The following MSH3 variants were observed in gnomAD, a reference collection of about 807,000 sequenced individuals.
The protein encoded by MSH3 is DNA mismatch repair protein Msh3.
A neutral mutation model predicts 123.3 loss-of-function variants in MSH3; 106 were observed. The ratio of observed to expected loss-of-function variants is 0.86; its 90% confidence interval spans 0.73 to 1.01. The LOEUF (loss-of-function observed/expected upper bound fraction) is 1.01. MSH3 is among the 50% of genes least tolerant of loss of function. The pLI is 0.00. For synonymous variants in MSH3, 515 were observed against 481.4 expected (o/e 1.07, Z -0.91); for missense variants, 1,459 against 1,347.6 (o/e 1.08, Z -1.29).
chr5:80,687,798 A>G (rs1750126137), intron 8 of MSH3, among the ~76,000 whole-genome samples: 1 of 148,412 alleles, frequency 6.7e-6, no homozygotes, highest in Admixed American at 7.0e-5. Context: ...GAATGGCATG[A>G]TAGAAGGGAA....
At chr5:80,700,930 T>G (rs979250392) in intron 8 of MSH3, among the ~76,000 whole-genome samples, 1 of 152,210 alleles carries the variant, frequency 6.6e-6, no homozygotes. Flanking sequence ...AGCAATTGTG[T>G]GAGGTGTGCT....
At position 80,757,932 on chromosome 5, in the gene MSH3, G is replaced by A. The variant is rs142897207; in HGVS notation, c.1764-3614G>A. Among the ~76,000 whole-genome samples, 292 of 152,076 alleles carry A rather than the reference G, an allele frequency of 1.9e-3. 1 individual carries two copies. Among genetic ancestry groups the A allele is most frequent in the South Asian group, 5.6e-3 (27 of 4,820 alleles). On this transcript the variant is annotated intron_variant, in intron 12 of 23. Coordinates refer to ENST00000265081, the MANE Select transcript of MSH3 (RefSeq NM_002439.5). ...CTTGCTTATTTCCATTCTGATCTTCGTACAGGAGTTGAAGATGGAATTATA... is the reference window on the plus strand; with the variant it reads ...CTTGCTTATTTCCATTCTGATCTTCATACAGGAGTTGAAGATGGAATTATA...
chr5:80,799,837 A>G (rs1183166900), intron 19 of MSH3, among the ~76,000 whole-genome samples: 1 of 152,194 alleles, frequency 6.6e-6, no homozygotes, highest in African/African-American at 2.4e-5. Flanking sequence ...CACCTGTATA[A>G]TGGGAATCCA....
In MSH3 at chr5:80,715,910, C is replaced by T. The variant is rs186213535; in HGVS notation, c.1341-9543C>T. ...ATTTGATACGAGATTTGGGCAGGGA[C>T]ACAAATTCCAACCATATCATATATG... On this transcript the variant is annotated intron_variant, in intron 8 of 23. Coordinates refer to ENST00000265081, the MANE Select transcript of MSH3 (RefSeq NM_002439.5). Among the ~76,000 whole-genome samples, 8 of 152,202 alleles carry T rather than the reference C, an allele frequency of 5.3e-5. No homozygotes were observed. In the East Asian group the frequency reaches 1.4e-3, roughly 26 times the overall value.
At chr5:80,773,227 T>C (rs922127025) in intron 15 of MSH3, among the ~76,000 whole-genome samples, 1 of 152,230 alleles carries the variant, frequency 6.6e-6, no homozygotes, top group African/African-American at 2.4e-5. Context: ...CATAGCTCTT[T>C]CCAGAATTAT....
At chr5:80,778,602 C>G in intron 16 of MSH3, 118 bp from the exon 17 acceptor site, 2 of 738,482 alleles carry the variant, frequency 2.7e-6, no homozygotes, top group Non-Finnish European at 5.0e-6. Context: ...CTTCTGTTTA[C>G]AGCTGTTTAC....
At chr5:80,775,655 T>C in intron 15 of MSH3, 39 bp from the exon 16 acceptor site, 1 of 1,145,120 alleles carries the variant, frequency 8.7e-7, no homozygotes, top group Admixed American at 1.7e-5. Context: ...TATATAATGG[T>C]TACTTATCTA....
At chr5:80,764,768 A>G (rs893712628) in intron 13 of MSH3, among the ~76,000 whole-genome samples, 5 of 152,170 alleles carry the variant, frequency 3.3e-5, no homozygotes, top group Admixed American at 1.3e-4. Flanking sequence ...TTTTGTAAGA[A>G]ATTCTTAAGT....
chr5:80,798,689 T>C (rs1744740187), intron 19 of MSH3, among the ~76,000 whole-genome samples: 1 of 152,214 alleles, frequency 6.6e-6, no homozygotes, highest in African/African-American at 2.4e-5. Context: ...AATATTGTTT[T>C]CTTGTCAGTC....
intron 8 of MSH3, among the ~76,000 whole-genome samples, chr5:80,694,430 T>C (rs1490156223): frequency 6.6e-6 from 1 of 152,146 alleles, no homozygotes; most frequent in Non-Finnish European, 1.5e-5. Context: ...CTATGCTTCT[T>C]TATCCTCCCC....
intron 20 of MSH3, among the ~76,000 whole-genome samples, chr5:80,846,271 G>C (rs950814550): frequency 2.0e-5 from 3 of 152,044 alleles, no homozygotes; most frequent in Non-Finnish European, 4.4e-5. Context: ...TCCTTCATCT[G>C]GAAGTTTCAT....
intron 8 of MSH3, among the ~76,000 whole-genome samples, chr5:80,689,314 C>T (rs1308620425): frequency 1.3e-5 from 2 of 152,062 alleles, no homozygotes; most frequent in Non-Finnish European, 2.9e-5. Context: ...CAAATTTGGC[C>T]TACCAACCTT....
intron 19 of MSH3, among the ~76,000 whole-genome samples, chr5:80,793,409 CTTG>C (rs1744643034): frequency 6.6e-6 from 1 of 152,202 alleles, no homozygotes; most frequent in African/African-American, 2.4e-5. Context: ...CCTCACAGAG[CTTG>C]TTGTATAGCA....
chr5:80,844,775 A>T (rs1445829183), intron 20 of MSH3, among the ~76,000 whole-genome samples: 2 of 149,714 alleles, frequency 1.3e-5, no homozygotes, highest in African/African-American at 2.5e-5. Flanking sequence ...CCTTCCCTTT[A>T]TTTTGAGCCT....
At chr5:80,871,317 C>T (rs936828856) in intron 22 of MSH3, among the ~76,000 whole-genome samples, 40 of 152,074 alleles carry the variant, frequency 2.6e-4, no homozygotes, top group African/African-American at 8.7e-4. Context: ...AACAGATTAC[C>T]CCCCAAAACA....
chr5:80,864,479 AG>A (rs1353370507), intron 21 of MSH3, among the ~76,000 whole-genome samples: 3 of 152,228 alleles, frequency 2.0e-5, no homozygotes, highest in Non-Finnish European at 4.4e-5. Flanking sequence ...ATATTTATTG[AG>A]TGTAATAATT....
At chr5:80,801,358 G>T (rs1482591353) in intron 19 of MSH3, among the ~76,000 whole-genome samples, 1 of 152,126 alleles carries the variant, frequency 6.6e-6, no homozygotes, top group Non-Finnish European at 1.5e-5. Flanking sequence ...AGGACCTCCT[G>T]ATTCTTCAGT....
At chr5:80,787,697 T>G (rs1317102579) in intron 18 of MSH3, 25 bp downstream of exon 18, 4 of 1,410,552 alleles carry the variant, frequency 2.8e-6, no homozygotes, top group Non-Finnish European at 4.0e-6. Flanking sequence ...ATTTTCCTCT[T>G]TATCAGTGCT....
chr5:80,746,401 T>C (rs1743721475), intron 12 of MSH3: 1 of 428,552 alleles, frequency 2.3e-6, no homozygotes, highest in Admixed American at 2.7e-5. Flanking sequence ...AGTAAAGTCA[T>C]TTTTGATATT....
Sources: gnomAD v4.1 joint callset for allele counts (sites outside exome capture counted in the v4.1 genomes callset) on GRCh38, gnomAD v4.1.1 for gene constraint, MANE v1.5 for transcripts, NCBI Gene and HGNC (gene_info 2026-07-23, HGNC 2026-07-21) for gene names.